Variants in RP1 observed in about 807,000 individuals in gnomAD.
RP1 encodes RP1 axonemal microtubule associated.
Under a neutral mutation model 14.8 loss-of-function variants are expected in RP1, and 16 were observed. That is an observed-to-expected ratio of 1.08 (90% CI 0.73 to 1.65). RP1 has a LOEUF of 1.65. Among genes scored for constraint, RP1 ranks in the 40% most tolerant of loss-of-function variants. The pLI, the probability that RP1 is intolerant of heterozygous loss-of-function variation, is 0.00. For synonymous variants in RP1, 876 were observed against 883.6 expected (o/e 0.99, Z 0.15); for missense variants, 2,631 against 2,535.0 (o/e 1.04, Z -0.81).
At chr8:54,741,858 CAATAAT>C (rs985333251) in intron 19 of RP1, among the ~76,000 whole-genome samples, 1 of 149,638 alleles carries the variant, frequency 6.7e-6, no homozygotes, top group African/African-American at 2.5e-5. Context: ...GCAGTAATAA[CAATAAT>C]AATAATAATG....
chr8:54,701,076 C>A (rs749674370), intron 13 of RP1, among the ~76,000 whole-genome samples: 1 of 152,086 alleles, frequency 6.6e-6, no homozygotes, highest in African/African-American at 2.4e-5. Context: ...TGTAGCATAA[C>A]CTTCTCAATT....
At chr8:54,699,223 C>T (rs1309360372) in intron 12 of RP1, among the ~76,000 whole-genome samples, 1 of 151,658 alleles carries the variant, frequency 6.6e-6, no homozygotes, top group Non-Finnish European at 1.5e-5. Flanking sequence ...TGAAATAGGT[C>T]ATGGATCAAG....
At chr8:54,631,623 G>A (rs1383244581), downstream of RP1, among the ~76,000 whole-genome samples, 6 of 151,560 alleles carry the variant, frequency 4.0e-5, no homozygotes, top group Non-Finnish European at 7.4e-5. Flanking sequence ...ATCATGCCAG[G>A]ATTTGAACCC....
At chr8:54,740,772 G>A (rs531765239) in intron 19 of RP1, among the ~76,000 whole-genome samples, 6 of 151,518 alleles carry the variant, frequency 4.0e-5, no homozygotes, top group East Asian at 3.9e-4. Flanking sequence ...GGCCGGGTGC[G>A]GTGGATCATG....
chr8:54,727,300 A>G (rs933486040), intron 17 of RP1, among the ~76,000 whole-genome samples: 1 of 152,154 alleles, frequency 6.6e-6, no homozygotes, highest in East Asian at 1.9e-4. Context: ...TCTTGAATCC[A>G]TGGAGCAGTG....
intron 19 of RP1, among the ~76,000 whole-genome samples, chr8:54,744,050 TG>T (rs1244589360): frequency 6.6e-6 from 1 of 152,234 alleles, no homozygotes; most frequent in Non-Finnish European, 1.5e-5. Context: ...TAGGGAAATC[TG>T]TTTAACAGCA....
At chr8:54,868,465 C>G (rs1812507506) in intron 28 of RP1, among the ~76,000 whole-genome samples, 1 of 152,012 alleles carries the variant, frequency 6.6e-6, no homozygotes, top group Non-Finnish European at 1.5e-5. Flanking sequence ...GTGGAAGAAA[C>G]CATAGATAAC....
chr8:54,770,547 A>G (rs577411865), downstream of RP1, among the ~76,000 whole-genome samples: 3 of 150,266 alleles, frequency 2.0e-5, no homozygotes, highest in South Asian at 4.2e-4. Flanking sequence ...GTGACATGAA[A>G]TCATGGTTTT....
intron 23 of RP1, among the ~76,000 whole-genome samples, chr8:54,779,440 T>A (rs1810128051): frequency 6.6e-6 from 1 of 152,234 alleles, no homozygotes; most frequent in Non-Finnish European, 1.5e-5. Context: ...TTCTCTGCAT[T>A]TCTTTTGAGT....
At chr8:54,760,891 T>C (rs1312533025) in intron 22 of RP1, among the ~76,000 whole-genome samples, 1 of 152,172 alleles carries the variant, frequency 6.6e-6, no homozygotes, top group Non-Finnish European at 1.5e-5. Context: ...CTTCTCTCAA[T>C]GTGTACTCAG....
At chr8:54,775,314 GA>G (rs1238383461) in intron 23 of RP1, among the ~76,000 whole-genome samples, 1 of 152,180 alleles carries the variant, frequency 6.6e-6, no homozygotes, top group African/African-American at 2.4e-5. Context: ...GCAGACATTT[GA>G]AACTGCCTTG....
chr8:54,738,067 G>A (rs906991858), intron 18 of RP1, among the ~76,000 whole-genome samples: 16 of 152,070 alleles, frequency 1.1e-4, no homozygotes, highest in Non-Finnish European at 1.5e-4. Context: ...TGTCTCCCTT[G>A]CTAGTCTGTA....
At chr8:54,823,427 T>A (rs1811305789) in intron 24 of RP1, among the ~76,000 whole-genome samples, 1 of 152,138 alleles carries the variant, frequency 6.6e-6, no homozygotes, top group African/African-American at 2.4e-5. Flanking sequence ...GCCTCCCAGG[T>A]TTAAGCAATT....
chr8:54,707,361 A>G (rs1808176082), intron 15 of RP1, among the ~76,000 whole-genome samples: 1 of 152,096 alleles, frequency 6.6e-6, no homozygotes, highest in South Asian at 2.1e-4. Flanking sequence ...TAGGCTCAAG[A>G]GATCCACTGC....
upstream of RP1, among the ~76,000 whole-genome samples, chr8:54,612,846 C>G (rs1480975470): frequency 1.3e-5 from 2 of 152,166 alleles, no homozygotes; most frequent in Non-Finnish European, 2.9e-5. Flanking sequence ...TGTCAAATAT[C>G]TGAACACCAT....
At chr8:54,773,360 G>A (rs976032233), downstream of RP1, among the ~76,000 whole-genome samples, 1 of 152,066 alleles carries the variant, frequency 6.6e-6, no homozygotes, top group African/African-American at 2.4e-5. Flanking sequence ...CTCAGGTCCA[G>A]GTGCGGTGGC....
At chr8:54,788,906 A>C (rs190121498) in intron 24 of RP1, among the ~76,000 whole-genome samples, 10 of 152,198 alleles carry the variant, frequency 6.6e-5, no homozygotes, top group African/African-American at 1.2e-4. Context: ...ACCCCACAGA[A>C]ATGAGAAAAA....
At chr8:54,718,770 G>A (rs1808465624) in intron 15 of RP1, among the ~76,000 whole-genome samples, 1 of 152,154 alleles carries the variant, frequency 6.6e-6, no homozygotes, top group Non-Finnish European at 1.5e-5. Context: ...TCCAATTATA[G>A]GACATTCTGG....
intron 24 of RP1, among the ~76,000 whole-genome samples, chr8:54,806,541 A>AT (rs1325101397): frequency 6.6e-6 from 1 of 151,978 alleles, no homozygotes; most frequent in Non-Finnish European, 1.5e-5. Flanking sequence ...CAGCATTGTC[A>AT]TTTTTTTCAA....
Sources: allele counts gnomAD v4.1 joint callset (sites outside exome capture counted in the v4.1 genomes callset), GRCh38; gene constraint gnomAD v4.1.1; transcripts MANE v1.5; gene names NCBI Gene and HGNC (gene_info 2026-07-23, HGNC 2026-07-21).